Variants in KIF6 observed in about 807,000 individuals in gnomAD.
KIF6 encodes the protein kinesin-like protein KIF6.
A neutral mutation model predicts 112.7 loss-of-function variants in KIF6; 106 were observed. The observed-to-expected ratio is 0.94, with a 90% CI of 0.80 to 1.11. The LOEUF is 1.11. KIF6 is among the 50% of genes least tolerant of loss of function. The pLI is 0.00. For missense variants in KIF6, 929 were observed against 964.0 expected, an observed-to-expected ratio of 0.96 and a Z score of 0.48; for synonymous variants, 339 against 339.9, an observed-to-expected ratio of 1.00 and a Z score of 0.03.
intron 15 of KIF6, 134 bp downstream of exon 15, chr6:39,419,814 A>G: frequency 1.2e-6 from 1 of 803,862 alleles, no homozygotes; most frequent in Non-Finnish European, 2.2e-6. Flanking sequence ...AAGGCTCTCA[A>G]AGCAGCTTCC....
intron 21 of KIF6, among the ~76,000 whole-genome samples, chr6:39,344,962 T>C (rs1011464917): frequency 2.0e-5 from 3 of 152,212 alleles, no homozygotes; most frequent in Admixed American, 6.5e-5. Flanking sequence ...GGGAATCTCC[T>C]TAGAAAGGGA....
chr6:39,690,434 G>A (rs1788130097), intron 3 of KIF6: 1 of 151,798 alleles, frequency 6.6e-6, no homozygotes, highest in South Asian at 2.1e-4. Flanking sequence ...GAGTAGAATT[G>A]GTACAATATT....
intron 13 of KIF6, among the ~76,000 whole-genome samples, chr6:39,536,792 T>A (rs1400766944): frequency 1.3e-5 from 2 of 152,144 alleles, no homozygotes; most frequent in Non-Finnish European, 2.9e-5. Context: ...ATATCCCTGA[T>A]GAACATTGAT....
chr6:39,577,525 C>T (rs561208994), intron 10 of KIF6, among the ~76,000 whole-genome samples: 70 of 152,302 alleles, frequency 4.6e-4, no homozygotes, highest in East Asian at 5.8e-4. Context: ...CATATGGCTG[C>T]AAATCTAAAG....
At chr6:39,414,869 AG>A in intron 15 of KIF6, among the ~76,000 whole-genome samples, 1 of 152,234 alleles carries the variant, frequency 6.6e-6, no homozygotes, top group East Asian at 1.9e-4. Context: ...CCACTTACAA[AG>A]GCCATTTCAC....
intron 3 of KIF6, among the ~76,000 whole-genome samples, chr6:39,645,102 C>T (rs1274439050): frequency 6.6e-6 from 1 of 152,212 alleles, no homozygotes; most frequent in African/African-American, 2.4e-5. Flanking sequence ...TAAATCAACC[C>T]TTTATAAACC....
chr6:39,412,862 G>T (rs1301027426), intron 15 of KIF6, among the ~76,000 whole-genome samples: 1 of 151,946 alleles, frequency 6.6e-6, no homozygotes, highest in African/African-American at 2.4e-5. Flanking sequence ...TCTTAGGGGG[G>T]GCTTATCGTG....
Position 39,656,225 on chromosome 6 carries a change from T to C in KIF6, c.252-16468A>G, listed in dbSNP as rs551047485. On this transcript the variant is annotated intron_variant, in intron 3 of 22. Transcript: ENST00000287152. ...GCAACAACTGGCTGAGGCCAAGTGG[T>C]GACTACTCCCTTCATTTACATGGGC... Among the ~76,000 whole-genome samples, 5 of 152,344 alleles carry C rather than the reference T, an allele frequency of 3.3e-5. No individual in the cohort carries two copies. In the South Asian group the frequency reaches 1.0e-3, roughly 32 times the overall value.
chr6:39,649,753 G>GAAA (rs770609823), intron 3 of KIF6, among the ~76,000 whole-genome samples: 1 of 150,826 alleles, frequency 6.6e-6, no homozygotes, highest in Non-Finnish European at 1.5e-5. Flanking sequence ...AAGAAAGAAA[G>GAAA]AAAGAAAGAA....
chr6:39,509,863 T>A (rs1776662399), intron 13 of KIF6, among the ~76,000 whole-genome samples: 1 of 152,042 alleles, frequency 6.6e-6, no homozygotes, highest in Non-Finnish European at 1.5e-5. Flanking sequence ...AACATTCAAA[T>A]TCAGAAAATA....
intron 8 of KIF6, among the ~76,000 whole-genome samples, chr6:39,585,583 A>G (rs1199919628): frequency 6.6e-6 from 1 of 152,210 alleles, no homozygotes; most frequent in Non-Finnish European, 1.5e-5. Flanking sequence ...CTGGTATAGT[A>G]TGTGTTTTCA....
At chr6:39,605,262 A>G (rs766103934) in intron 6 of KIF6, among the ~76,000 whole-genome samples, 1 of 152,134 alleles carries the variant, frequency 6.6e-6, no homozygotes, top group African/African-American at 2.4e-5. Flanking sequence ...GTAACTTATC[A>G]TAATTGTCTA....
intron 7 of KIF6, among the ~76,000 whole-genome samples, chr6:39,591,105 G>A (rs1205734074): frequency 1.3e-5 from 2 of 152,102 alleles, no homozygotes; most frequent in Admixed American, 6.5e-5. Context: ...AGGCATGAGC[G>A]TGGGTCCTGG....
chr6:39,583,159 CAA>C, intron 9 of KIF6: 1 of 254,308 alleles, frequency 3.9e-6, no homozygotes, highest in Non-Finnish European at 8.0e-6. Context: ...AACAAACAAA[CAA>C]AAACAAAACC....
chr6:39,339,678 T>C (rs1470075766), intron 22 of KIF6, among the ~76,000 whole-genome samples: 1 of 151,682 alleles, frequency 6.6e-6, no homozygotes, highest in East Asian at 1.9e-4. Flanking sequence ...ACATAAAAAC[T>C]GTCCTTGGCA....
At chr6:39,702,849 G>A (rs149607) in intron 3 of KIF6, among the ~76,000 whole-genome samples, 132,023 of 152,228 alleles carry the variant, frequency 0.87, 57,545 homozygotes, top group East Asian at 0.97. Context: ...CTCTGAGAAC[G>A]GCTACACTGA....
chr6:39,696,664 A>T lies in KIF6; in HGVS notation c.251+18028T>A, dbSNP rs574428484. Among the ~76,000 whole-genome samples, 10 of 151,714 alleles carry T rather than the reference A, an allele frequency of 6.6e-5. No individual in the cohort carries two copies. In the East Asian group the frequency reaches 1.9e-3, roughly 29 times the overall value. On this transcript the variant is annotated intron_variant, in intron 3 of 22. Coordinates refer to ENST00000287152, the MANE Select transcript of KIF6 (RefSeq NM_145027.6). ...CAGTATATAATATATAAATATATAT[A>T]TTATAAAACAGCTAACATAAACTAG...
intron 7 of KIF6, among the ~76,000 whole-genome samples, chr6:39,588,779 C>A (rs1170906150): frequency 2.0e-5 from 3 of 152,162 alleles, no homozygotes; most frequent in African/African-American, 7.2e-5. Flanking sequence ...AATATCCAAT[C>A]CATCAGCAAT....
At chr6:39,480,001 T>C (rs547711389) in intron 13 of KIF6, among the ~76,000 whole-genome samples, 14 of 152,250 alleles carry the variant, frequency 9.2e-5, no homozygotes, top group Non-Finnish European at 1.9e-4. Context: ...AACAAACACC[T>C]ATAGTTTCAC....
Sources: gnomAD v4.1 joint callset for allele counts (sites outside exome capture counted in the v4.1 genomes callset) on GRCh38, gnomAD v4.1.1 for gene constraint, MANE v1.5 for transcripts, NCBI Gene and HGNC (gene_info 2026-07-23, HGNC 2026-07-21) for gene names.